The following USP53 variants were observed in gnomAD, a reference collection of about 807,000 sequenced individuals.
The protein encoded by USP53 is ubiquitin carboxyl-terminal hydrolase 53.
In USP53, 71 loss-of-function variants were observed where a neutral mutation model predicts 94.9. The ratio of observed to expected loss-of-function variants is 0.75; its 90% CI spans 0.62 to 0.91. The LOEUF (loss-of-function observed/expected upper bound fraction) is 0.91, where lower values mean the gene tolerates loss of function less well. USP53 is among the 40% of genes least tolerant of loss of function. The probability of loss-of-function intolerance (pLI) is 0.00; values close to 1 mark genes in which losing one functional copy is unlikely to be tolerated. For synonymous variants in USP53, 375 were observed against 422.7 expected (o/e 0.89, Z 1.39); for missense variants, 1,173 against 1,281.0 (o/e 0.92, Z 1.29).
chr4:119,227,061 G>T (rs1422291809), intron 3 of USP53, among the ~76,000 whole-genome samples: 1 of 151,986 alleles, frequency 6.6e-6, no homozygotes, highest in African/African-American at 2.4e-5. Context: ...CAAACTCCTG[G>T]GCTCAAGTGA....
chr4:119,237,758 A>C (rs908388346), intron 4 of USP53, among the ~76,000 whole-genome samples: 4 of 152,204 alleles, frequency 2.6e-5, no homozygotes, highest in African/African-American at 9.6e-5. Context: ...TCTGTTAATT[A>C]GTGTAGCCAC....
At chr4:119,246,825 T>C (rs1236142766) in intron 6 of USP53, among the ~76,000 whole-genome samples, 3 of 152,220 alleles carry the variant, frequency 2.0e-5, no homozygotes, top group Non-Finnish European at 4.4e-5. Flanking sequence ...TAGCAACTCA[T>C]TCGTGTCACT....
At chr4:119,259,370 A>G (rs1750190370) in intron 9 of USP53, among the ~76,000 whole-genome samples, 3 of 152,114 alleles carry the variant, frequency 2.0e-5, no homozygotes, top group Middle Eastern at 3.4e-3. Context: ...TGACTTCTGC[A>G]TTTAATCAGC....
intron 5 of USP53, among the ~76,000 whole-genome samples, chr4:119,242,446 C>T (rs1747668855): frequency 6.6e-6 from 1 of 152,166 alleles, no homozygotes; most frequent in African/African-American, 2.4e-5. Flanking sequence ...AAGTTTTCTA[C>T]TTTGGCTGCA....
Position 119,257,932 on chromosome 4 carries a change from G to A in USP53, c.569+1409G>A, listed in dbSNP as rs183293766. On this transcript the variant is annotated intron_variant, in intron 9 of 18. Transcript: ENST00000692078. ...AAATGACAGTGTTCTGAGGCAGAAT[G>A]TTAGATAATAAGAATTACAGCCCCA... Among the ~76,000 whole-genome samples, 42 of 152,332 alleles carry A rather than the reference G, an allele frequency of 2.8e-4. 1 individual carries two copies. The highest frequency in any genetic ancestry group is 1.2e-4 in the Non-Finnish European group (8 of 68,026).
At chr4:119,246,947 A>AT (rs11299908) in intron 6 of USP53, among the ~76,000 whole-genome samples, 65 of 148,126 alleles carry the variant, frequency 4.4e-4, no homozygotes, top group East Asian at 1.6e-3. Flanking sequence ...GACACACAGA[A>AT]TTTTTTTTTT....
At chr4:119,266,480 A>G (rs1751141339) in intron 12 of USP53, 3 of 383,172 alleles carry the variant, frequency 7.8e-6, no homozygotes, top group Non-Finnish European at 1.5e-5. Flanking sequence ...TTTTAATGTT[A>G]GCCCTTCTCG....
rs779664806 is a variant in USP53 at position 119,256,554 on chromosome 4, G to T, written c.569+31G>T. ...AACCTATTAAAGCTTAATTATCAACGATATTAATAACATATTTAAGCACAT... is the reference window on the plus strand; with the variant it reads ...AACCTATTAAAGCTTAATTATCAACTATATTAATAACATATTTAAGCACAT... On this transcript the variant is annotated intron_variant, in intron 9 of 18. Transcript: ENST00000692078. 3 of 1,587,142 alleles carry T rather than the reference G, an allele frequency of 1.9e-6. No individual in the cohort carries two copies. The South Asian group carries it at 3.3e-5, about 18-fold the overall frequency.
In USP53 at chr4:119,245,273, G is replaced by A; in HGVS notation, c.145-64G>A. On this transcript the variant is annotated intron_variant, in intron 5 of 18. Transcript: ENST00000692078. ...TGCAATTTGTAAAATATCTAAATCTGTCTTTTGTTACAGTAAGAAAAATTT... is the reference window on the plus strand; with the variant it reads ...TGCAATTTGTAAAATATCTAAATCTATCTTTTGTTACAGTAAGAAAAATTT... The A allele has an allele frequency of 2.0e-6, 3 of 1,489,604 alleles. No homozygotes were observed. The South Asian group carries it at 3.5e-5, about 17-fold the overall frequency. 92.3% of individuals were successfully genotyped at this position (1,489,604 alleles called of 1,614,324 possible).
In USP53 at chr4:119,267,057, C is replaced by G. The variant is rs1350182958; in HGVS notation, c.973-263C>G. Among the ~76,000 whole-genome samples the G allele has an allele frequency of 4.6e-5, 7 of 152,258 alleles. No homozygotes were observed. The East Asian group carries it at 1.4e-3, about 29-fold the overall frequency. On this transcript the variant is annotated intron_variant, in intron 12 of 18. Transcript: ENST00000692078. Reference sequence around the variant, plus strand: ...GAAGTCTTTGTCAAATGTCAGTCAACCACATATTTGGAAAGCTTTTTAAAA... The same window carrying G: ...GAAGTCTTTGTCAAATGTCAGTCAAGCACATATTTGGAAAGCTTTTTAAAA...
chr4:119,268,478 C>T, intron 14 of USP53, 58 bp downstream of exon 14: 2 of 1,446,452 alleles, frequency 1.4e-6, no homozygotes, highest in Non-Finnish European at 1.9e-6. Context: ...CCTTTCTTCA[C>T]TTATCGGAGG....
chr4:119,227,586 G>A (rs1745476884), intron 3 of USP53, among the ~76,000 whole-genome samples: 1 of 152,184 alleles, frequency 6.6e-6, no homozygotes, highest in South Asian at 2.1e-4. Context: ...AGCCGAGATC[G>A]CGCCACTGCA....
chr4:119,225,615 G>A (rs1025225568), intron 3 of USP53, among the ~76,000 whole-genome samples: 10 of 151,860 alleles, frequency 6.6e-5, no homozygotes, highest in African/African-American at 1.2e-4. Flanking sequence ...GCGTGGTGGC[G>A]GGCGCCTGTA....
intron 1 of USP53, 147 bp from the exon 2 acceptor site, chr4:119,213,923 G>A (rs1743329922): frequency 6.8e-6 from 1 of 147,472 alleles, no homozygotes; most frequent in Admixed American, 6.8e-5. Context: ...AGGTTTTTGT[G>A]ATTAAGATCT....
At chr4:119,243,306 T>TA (rs891155976) in intron 5 of USP53, among the ~76,000 whole-genome samples, 1 of 152,062 alleles carries the variant, frequency 6.6e-6, no homozygotes. Flanking sequence ...GAGACCAGCT[T>TA]AGCGAACATG....
At chr4:119,271,180 G>A (rs1202915357) in intron 15 of USP53, 116 bp from the exon 16 acceptor site, 8 of 1,439,750 alleles carry the variant, frequency 5.6e-6, no homozygotes, top group Non-Finnish European at 7.3e-6. Flanking sequence ...ATATGTACTT[G>A]TAATTACTAT....
chr4:119,268,024 G>A (rs1285781544), intron 13 of USP53, among the ~76,000 whole-genome samples: 6 of 151,994 alleles, frequency 3.9e-5, no homozygotes, highest in Non-Finnish European at 8.8e-5. Context: ...AAAATTGGCC[G>A]GGCGCGGTGG....
At chr4:119,227,300 A>ACACAC (rs1442892298) in intron 3 of USP53, among the ~76,000 whole-genome samples, 14 of 43,926 alleles carry the variant, frequency 3.2e-4, no homozygotes, top group African/African-American at 8.4e-4. Context: ...CACACACACA[A>ACACAC]ACTTGAAATG....
intron 3 of USP53, among the ~76,000 whole-genome samples, chr4:119,232,221 A>G (rs1189557545): frequency 6.6e-6 from 1 of 152,218 alleles, no homozygotes; most frequent in Non-Finnish European, 1.5e-5. Flanking sequence ...ACATTACCAC[A>G]GTCAATTTTG....
Sources: gnomAD v4.1 joint callset for allele counts (sites outside exome capture counted in the v4.1 genomes callset) on GRCh38, gnomAD v4.1.1 for gene constraint, MANE v1.5 for transcripts, NCBI Gene and HGNC (gene_info 2026-07-23, HGNC 2026-07-21) for gene names.